The following CLNK variants were observed in gnomAD, a reference collection of about 807,000 sequenced individuals.
The protein encoded by CLNK is cytokine-dependent hematopoietic cell linker.
A neutral mutation model predicts 68.6 loss-of-function variants in CLNK; 74 were observed. The observed-to-expected ratio is 1.08, with a 90% confidence interval of 0.89 to 1.31. CLNK has a LOEUF of 1.31. Among genes scored for constraint, CLNK ranks in the 50% most tolerant of loss-of-function variants. The pLI is 0.00. For missense variants in CLNK, 553 were observed against 515.3 expected (o/e 1.07, Z -0.71); for synonymous variants, 198 against 172.2 (o/e 1.15, Z -1.17).
chr4:10,699,285 C>CACACACACCACGTATGT, the CLNK span, among the ~76,000 whole-genome samples: 7 of 46,196 alleles, frequency 1.5e-4, 2 homozygotes, highest in Non-Finnish European at 2.1e-4. Flanking sequence ...ACACCACATA[C>CACACACACCACGTATGT]GTGTATACAC....
At chr4:10,546,941 G>T (rs1024802154) in intron 8 of CLNK, among the ~76,000 whole-genome samples, 2 of 152,180 alleles carry the variant, frequency 1.3e-5, no homozygotes, top group Non-Finnish European at 2.9e-5. Flanking sequence ...ATGGTAAGGC[G>T]ACTGAGTATG....
chr4:10,585,071 C>A, intron 3 of CLNK, 116 bp from the exon 4 acceptor site: 2 of 952,246 alleles, frequency 2.1e-6, no homozygotes, highest in South Asian at 1.4e-5. Context: ...TCTGAAGCTG[C>A]TTTATGTATG....
Position 10,599,012 on chromosome 4 carries a change from C to T in CLNK, c.12-963G>A, listed in dbSNP as rs1056855169. On this transcript the variant is annotated intron_variant, in intron 2 of 18. Transcript: ENST00000226951. ...TCTTATTAACAACAACTCTTACTTCCGAACTCAGCTCAAGTGCTACTTCCT... is the reference window on the plus strand; with the variant it reads ...TCTTATTAACAACAACTCTTACTTCTGAACTCAGCTCAAGTGCTACTTCCT... Among the ~76,000 whole-genome samples, 5 of 152,220 alleles carry T rather than the reference C, an allele frequency of 3.3e-5. No homozygotes were observed. The East Asian group carries it at 5.8e-4, about 18-fold the overall frequency.
At chr4:10,586,019 G>C (rs1010063665) in intron 3 of CLNK, among the ~76,000 whole-genome samples, 1 of 152,134 alleles carries the variant, frequency 6.6e-6, no homozygotes, top group Non-Finnish European at 1.5e-5. Context: ...GTCTCACAAA[G>C]AGCGTGAACC....
the CLNK span, among the ~76,000 whole-genome samples, chr4:10,718,536 A>G: frequency 6.6e-6 from 1 of 152,114 alleles, no homozygotes; most frequent in Non-Finnish European, 1.5e-5. Flanking sequence ...CCAGCATTTT[A>G]TATCTAGTAA....
chr4:10,723,565 T>C, the CLNK span, among the ~76,000 whole-genome samples: 1 of 152,162 alleles, frequency 6.6e-6, no homozygotes, highest in Non-Finnish European at 1.5e-5. Flanking sequence ...GGAATGTAGG[T>C]AGCCTTGAGG....
chr4:10,580,113 C>G (rs1016678040), intron 4 of CLNK, among the ~76,000 whole-genome samples: 2 of 152,130 alleles, frequency 1.3e-5, no homozygotes, highest in Non-Finnish European at 2.9e-5. Context: ...GTTGTTTTAT[C>G]CAGTTCGGCA....
At chr4:10,587,867 G>C (rs1375274251) in intron 3 of CLNK, among the ~76,000 whole-genome samples, 1 of 152,148 alleles carries the variant, frequency 6.6e-6, no homozygotes, top group Non-Finnish European at 1.5e-5. Flanking sequence ...TGCTTAGGAG[G>C]CACCGTGCAG....
chr4:10,606,231 T>C (rs1721781477), intron 2 of CLNK, among the ~76,000 whole-genome samples: 1 of 152,198 alleles, frequency 6.6e-6, no homozygotes, highest in Non-Finnish European at 1.5e-5. Flanking sequence ...TGTTAAAAAA[T>C]TAAGACAGTA....
intron 2 of CLNK, among the ~76,000 whole-genome samples, chr4:10,610,665 G>T (rs913615880): frequency 6.6e-6 from 1 of 151,908 alleles, no homozygotes; most frequent in Non-Finnish European, 1.5e-5. Flanking sequence ...TAACAACAGT[G>T]AATTACCCCT....
intron 13 of CLNK, among the ~76,000 whole-genome samples, chr4:10,526,517 T>C (rs1434392449): frequency 6.6e-6 from 1 of 152,200 alleles, no homozygotes; most frequent in Non-Finnish European, 1.5e-5. Flanking sequence ...TTCTGAGAGA[T>C]GGCATTTGAG....
At chr4:10,680,261 G>A (rs905202824) in intron 1 of CLNK, among the ~76,000 whole-genome samples, 16 of 150,486 alleles carry the variant, frequency 1.1e-4, no homozygotes, top group African/African-American at 3.2e-4. Context: ...GCAAGCTATC[G>A]CAAGGACAAT....
chr4:10,717,295 G>C, the CLNK span, among the ~76,000 whole-genome samples: 1 of 152,290 alleles, frequency 6.6e-6, no homozygotes, highest in South Asian at 2.1e-4. Flanking sequence ...GTATCAGAGG[G>C]GGTGGAGTAA....
the CLNK span, among the ~76,000 whole-genome samples, chr4:10,717,832 G>A: frequency 6.6e-6 from 1 of 152,100 alleles, no homozygotes; most frequent in South Asian, 2.1e-4. Flanking sequence ...ATTATACCAA[G>A]AACCATAAAA....
chr4:10,601,187 C>G (rs1310708638), intron 2 of CLNK, among the ~76,000 whole-genome samples: 1 of 152,086 alleles, frequency 6.6e-6, no homozygotes, highest in Non-Finnish European at 1.5e-5. Context: ...GGGGGTAGAA[C>G]CAGGGCTACA....
intron 18 of CLNK, among the ~76,000 whole-genome samples, chr4:10,499,904 C>CA (rs1287675389): frequency 6.6e-6 from 1 of 152,110 alleles, no homozygotes; most frequent in Admixed American, 6.5e-5. Flanking sequence ...GGACTCATCC[C>CA]AATAACCTTG....
the CLNK span, among the ~76,000 whole-genome samples, chr4:10,695,619 G>A: frequency 3.3e-5 from 5 of 152,168 alleles, no homozygotes; most frequent in Non-Finnish European, 7.4e-5. Flanking sequence ...TTATGAGAAG[G>A]GGGATGAAAC....
rs1382557440 is a variant in CLNK, at chr4:10,508,836, G to GCACA, written c.907-801_907-800insTGTG. Among the ~76,000 whole-genome samples the GCACA allele has an allele frequency of 9.8e-3, 1,492 of 151,662 alleles. 11 individuals are homozygous for GCACA. Among genetic ancestry groups the GCACA allele is most frequent in the Middle Eastern group, 0.021 (6 of 290 alleles). ...GAAAGTCAAAATCTGGGCTGGGTGT[G>GCACA]GTGGCTCAATGCCTGTAATCCCAGC... On this transcript the variant is annotated intron_variant, in intron 16 of 18. Coordinates refer to ENST00000226951, the MANE Select transcript of CLNK (RefSeq NM_052964.4).
rs1717824272 is a variant in CLNK, at chr4:10,516,092, A to T, written c.773-2495T>A. 2.0e-5 allele frequency among the ~76,000 whole-genome samples: 3 copies of T among 152,140 alleles called. No individual in the cohort carries two copies. In the South Asian group the frequency reaches 6.2e-4, roughly 31 times the overall value. ...TTTTTTTTTGAAATTTAGAACACAAACATGGAGTGAAGTATAAGGAGGAAT... is the reference window on the plus strand; with the variant it reads ...TTTTTTTTTGAAATTTAGAACACAATCATGGAGTGAAGTATAAGGAGGAAT... On this transcript the variant is annotated intron_variant, in intron 15 of 18. Transcript: ENST00000226951.
Sources: allele counts gnomAD v4.1 joint callset (sites outside exome capture counted in the v4.1 genomes callset), GRCh38; gene constraint gnomAD v4.1.1; transcripts MANE v1.5; gene names NCBI Gene and HGNC (gene_info 2026-07-23, HGNC 2026-07-21).